The following DOCK1 variants were observed in gnomAD, a reference collection of about 807,000 sequenced individuals.
The protein encoded by DOCK1 is dedicator of cytokinesis protein 1.
A neutral mutation model predicts 262.7 loss-of-function variants in DOCK1; 138 were observed. The observed-to-expected ratio is 0.53, with a 90% CI of 0.46 to 0.61. DOCK1 has a LOEUF of 0.61. DOCK1 is among the 20% of genes least tolerant of loss of function. The pLI is 0.00. For missense variants in DOCK1, 1,908 were observed against 2,370.7 expected (o/e 0.80, Z 4.05); for synonymous variants, 866 against 867.4 (o/e 1.00, Z 0.03).
chr10:127,287,594 C>T (rs532891527), intron 29 of DOCK1, among the ~76,000 whole-genome samples: 6 of 152,148 alleles, frequency 3.9e-5, no homozygotes, highest in African/African-American at 1.2e-4. Context: ...TGTTATTTAA[C>T]GTGTTCCTCT....
intron 25 of DOCK1, among the ~76,000 whole-genome samples, chr10:127,124,349 T>C (rs1268227108): frequency 1.9e-4 from 29 of 152,244 alleles, no homozygotes; most frequent in Admixed American, 1.9e-3. Flanking sequence ...TCTCCTCTTG[T>C]GCTCTGCGTT....
intron 1 of DOCK1, among the ~76,000 whole-genome samples, chr10:126,970,308 A>G (rs942932138): frequency 6.6e-6 from 1 of 152,230 alleles, no homozygotes; most frequent in Non-Finnish European, 1.5e-5. Flanking sequence ...TTGGCTTAAT[A>G]TCAACATTGC....
chr10:127,024,846 A>G, intron 15 of DOCK1, 63 bp downstream of exon 15: 2 of 1,400,506 alleles, frequency 1.4e-6, no homozygotes, highest in Non-Finnish European at 1.9e-6. Context: ...TTGTAACCCA[A>G]GGAAACATCC....
chr10:126,961,529 TCTTA>T (rs2037219119), intron 1 of DOCK1, among the ~76,000 whole-genome samples: 1 of 152,218 alleles, frequency 6.6e-6, no homozygotes, highest in Admixed American at 6.5e-5. Context: ...TACTTTCGTT[TCTTA>T]CTTGTCTCTG....
At chr10:127,405,181 G>A (rs1036383134) in intron 40 of DOCK1, among the ~76,000 whole-genome samples, 4 of 152,208 alleles carry the variant, frequency 2.6e-5, no homozygotes, top group African/African-American at 9.7e-5. Flanking sequence ...AAATGGATCT[G>A]TATGGCCACG....
intron 29 of DOCK1, among the ~76,000 whole-genome samples, chr10:127,287,329 A>G (rs1166142378): frequency 6.6e-6 from 1 of 151,954 alleles, no homozygotes; most frequent in Non-Finnish European, 1.5e-5. Flanking sequence ...AGCTAGGACT[A>G]TAGGTGTGCA....
intron 29 of DOCK1, among the ~76,000 whole-genome samples, chr10:127,270,709 C>G (rs2060531522): frequency 6.6e-6 from 1 of 152,240 alleles, no homozygotes; most frequent in Middle Eastern, 3.4e-3. Context: ...AACAAGACTT[C>G]AGAGAAGGCT....
At chr10:127,354,348 T>C (rs2064031900) in intron 31 of DOCK1, among the ~76,000 whole-genome samples, 1 of 152,182 alleles carries the variant, frequency 6.6e-6, no homozygotes, top group South Asian at 2.1e-4. Context: ...GCTAACGACA[T>C]GCATGGAACC....
chr10:127,019,224 C>G (rs1032679443), intron 13 of DOCK1, among the ~76,000 whole-genome samples: 1 of 152,194 alleles, frequency 6.6e-6, no homozygotes, highest in African/African-American at 2.4e-5. Context: ...GTGCCTGCGC[C>G]CGCTCAGCTA....
chr10:127,032,631 C>G (rs1047391052), intron 18 of DOCK1, among the ~76,000 whole-genome samples: 5 of 151,832 alleles, frequency 3.3e-5, no homozygotes, highest in African/African-American at 1.2e-4. Flanking sequence ...TCAACTCACT[C>G]CAGCCTTGTC....
At chr10:127,257,674 A>G (rs532772438) in intron 29 of DOCK1, 103 of 367,016 alleles carry the variant, frequency 2.8e-4, no homozygotes, top group Non-Finnish European at 4.5e-4. Flanking sequence ...AACAGCCTGA[A>G]GCTGGATCTC....
chr10:127,368,888 T>C (rs1358480121), intron 33 of DOCK1, among the ~76,000 whole-genome samples: 1 of 152,220 alleles, frequency 6.6e-6, no homozygotes, highest in Admixed American at 6.5e-5. Context: ...CAGCTGAGAA[T>C]TGCAGCAAAT....
intron 29 of DOCK1, among the ~76,000 whole-genome samples, chr10:127,260,939 A>C (rs1455992138): frequency 1.8e-5 from 1 of 55,752 alleles, no homozygotes; most frequent in Non-Finnish European, 3.4e-5. Context: ...GTGTGTGTGT[A>C]CCCGTGCTCA....
intron 38 of DOCK1, among the ~76,000 whole-genome samples, chr10:127,392,392 G>A (rs2066531788): frequency 6.6e-6 from 1 of 152,068 alleles, no homozygotes; most frequent in South Asian, 2.1e-4. Flanking sequence ...GCCACCTCTG[G>A]ATCTCCCTCT....
At chr10:127,385,347 A>G (rs571050451) in intron 38 of DOCK1, among the ~76,000 whole-genome samples, 1 of 152,256 alleles carries the variant, frequency 6.6e-6, no homozygotes, top group East Asian at 1.9e-4. Context: ...ACTTCCACTA[A>G]AAGGAAACCT....
At chr10:127,234,369 A>T (rs1305190047) in intron 27 of DOCK1, among the ~76,000 whole-genome samples, 1 of 152,180 alleles carries the variant, frequency 6.6e-6, no homozygotes, top group Non-Finnish European at 1.5e-5. Flanking sequence ...TCAATAGTTT[A>T]CCCTAATATA....
Position 127,398,297 on chromosome 10 carries a change from G to A in DOCK1, c.3928-4758G>A, listed in dbSNP as rs115092867. Among the ~76,000 whole-genome samples the A allele has an allele frequency of 7.4e-3, 1,126 of 152,314 alleles. 4 individuals carry two copies. Among genetic ancestry groups the A allele is most frequent in the Middle Eastern group, 0.024 (7 of 294 alleles). ...AAGCGAGGGGCCTGGAGAGAGTGGT[G>A]ATGCTTGCAAAGGGTCTCCATTCCT... On this transcript the variant is annotated intron_variant, in intron 38 of 51. Coordinates refer to ENST00000623213, the MANE Select transcript of DOCK1 (RefSeq NM_001290223.2).
intron 22 of DOCK1, among the ~76,000 whole-genome samples, chr10:127,060,788 A>G (rs1342520250): frequency 6.6e-6 from 1 of 152,154 alleles, no homozygotes; most frequent in Non-Finnish European, 1.5e-5. Flanking sequence ...GTTACCACTG[A>G]TGTTGAAATG....
At chr10:127,098,998 C>T (rs746400325) in intron 23 of DOCK1, among the ~76,000 whole-genome samples, 17 of 152,188 alleles carry the variant, frequency 1.1e-4, no homozygotes, top group Admixed American at 5.9e-4. Context: ...CTAGGTGTGG[C>T]TCTTACAATA....
Sources: allele counts gnomAD v4.1 joint callset (sites outside exome capture counted in the v4.1 genomes callset), GRCh38; gene constraint gnomAD v4.1.1; transcripts MANE v1.5; gene names NCBI Gene and HGNC (gene_info 2026-07-23, HGNC 2026-07-21).